The following ESRRG variants were observed in gnomAD, a reference collection of about 807,000 sequenced individuals.
The protein encoded by ESRRG is estrogen-related receptor gamma.
A neutral mutation model predicts 44.0 loss-of-function variants in ESRRG; 13 were observed. That is an observed-to-expected ratio of 0.30 (90% confidence interval 0.19 to 0.47). The LOEUF (loss-of-function observed/expected upper bound fraction) is 0.47. Among genes scored for constraint, ESRRG ranks in the 20% least tolerant of loss-of-function variants. The pLI, the probability that ESRRG is intolerant of heterozygous loss-of-function variation, is 1.00. For missense variants in ESRRG, 395 were observed against 580.6 expected, an observed-to-expected ratio of 0.68 and a Z score of 3.29; for synonymous variants, 215 against 214.6, an observed-to-expected ratio of 1.00 and a Z score of -0.02.
At chr1:216,555,188 T>C (rs1412969456) in intron 5 of ESRRG, among the ~76,000 whole-genome samples, 2 of 152,136 alleles carry the variant, frequency 1.3e-5, no homozygotes, top group African/African-American at 4.8e-5. Context: ...GCTGACATTC[T>C]TGGGGGAAAA....
intron 1 of ESRRG, among the ~76,000 whole-genome samples, chr1:216,693,374 CTCTTG>C (rs1160353753): frequency 6.6e-6 from 1 of 152,174 alleles, no homozygotes; most frequent in Non-Finnish European, 1.5e-5. Context: ...TCAAGCAATC[CTCTTG>C]TCTTGGCCTC....
At chr1:216,625,925 C>T (rs1290536804) in intron 3 of ESRRG, among the ~76,000 whole-genome samples, 2 of 152,134 alleles carry the variant, frequency 1.3e-5, no homozygotes, top group African/African-American at 4.8e-5. Context: ...ATCTTTGTCT[C>T]CGTATGCCTT....
chr1:216,575,027 G>T (rs1484618423), intron 3 of ESRRG, among the ~76,000 whole-genome samples: 2 of 152,036 alleles, frequency 1.3e-5, no homozygotes, highest in Non-Finnish European at 2.9e-5. Context: ...AGAGCGGCAG[G>T]AAAAGAAGCA....
intron 3 of ESRRG, among the ~76,000 whole-genome samples, chr1:216,576,006 A>T (rs2061621772): frequency 6.6e-6 from 1 of 152,032 alleles, no homozygotes; most frequent in Non-Finnish European, 1.5e-5. Context: ...AAAAGATTCC[A>T]TTCCTCTTTT....
intron 1 of ESRRG, among the ~76,000 whole-genome samples, chr1:217,135,535 CGGCGGCGGCGGTGTT>C (rs1206160157): frequency 6.6e-6 from 1 of 151,330 alleles, no homozygotes; most frequent in Non-Finnish European, 1.5e-5. Flanking sequence ...CGCGCGGCGG[CGGCGGCGGCGGTGTT>C]GGCGGCGGCG....
intron 1 of ESRRG, among the ~76,000 whole-genome samples, chr1:217,015,355 TTAA>T (rs2079186858): frequency 6.6e-6 from 1 of 152,220 alleles, no homozygotes; most frequent in African/African-American, 2.4e-5. Context: ...AAATTTCACC[TTAA>T]TAATGTTTCA....
intron 1 of ESRRG, chr1:216,707,238 T>C (rs962961593): frequency 3.6e-6 from 4 of 1,111,632 alleles, no homozygotes; most frequent in African/African-American, 3.2e-5. Context: ...AAAAGCATTT[T>C]TTTTTCTTTT....
chr1:217,131,964 CA>C (rs925351039), intron 1 of ESRRG, among the ~76,000 whole-genome samples: 2 of 152,126 alleles, frequency 1.3e-5, no homozygotes, highest in Non-Finnish European at 2.9e-5. Context: ...TTCCTCTAGA[CA>C]CTGACCTCTT....
chr1:216,916,276 G>A (rs2061153523), intron 2 of ESRRG, among the ~76,000 whole-genome samples: 1 of 152,158 alleles, frequency 6.6e-6, no homozygotes, highest in South Asian at 2.1e-4. Context: ...CCTGACCGCT[G>A]CATGCTGCCC....
At chr1:216,538,245 A>T (rs896817805) in intron 5 of ESRRG, among the ~76,000 whole-genome samples, 3 of 113,124 alleles carry the variant, frequency 2.7e-5, no homozygotes, top group African/African-American at 1.4e-4. Context: ...TGGTTTTTAA[A>T]AAATTAAAAA....
chr1:216,725,323 G>A (rs1028801469), upstream of ESRRG, among the ~76,000 whole-genome samples: 1 of 152,072 alleles, frequency 6.6e-6, no homozygotes, highest in African/African-American at 2.4e-5. Context: ...GTAGCATTAT[G>A]CTGTCTATAT....
In ESRRG at chr1:216,630,468, AC is replaced by A; in HGVS notation, c.589+20504del. On this transcript the variant is annotated intron_variant, in intron 3 of 6. Transcript: ENST00000408911. Reference sequence around the variant, plus strand: ...TGAACACACACACACACACACACACACACACACAATTAAATCTTATAGGAAA... The same window carrying A: ...TGAACACACACACACACACACACACAACACACAATTAAATCTTATAGGAAA... Among the ~76,000 whole-genome samples the A allele has an allele frequency of 1.4e-5, 2 of 139,078 alleles. 1 individual carries two copies. Among genetic ancestry groups the A allele is most frequent in the African/African-American group, 5.0e-5 (2 of 40,212 alleles). 91.2% of individuals were successfully genotyped at this position (139,078 alleles called of 152,430 possible).
chr1:216,584,357 T>C (rs756275322), intron 3 of ESRRG, among the ~76,000 whole-genome samples: 8 of 151,666 alleles, frequency 5.3e-5, no homozygotes, highest in Non-Finnish European at 1.0e-4. Context: ...GCCGGGTTCA[T>C]GCCATTCTCC....
At chr1:217,103,526 A>G (rs2092549523) in intron 1 of ESRRG, among the ~76,000 whole-genome samples, 1 of 151,418 alleles carries the variant, frequency 6.6e-6, no homozygotes, top group Non-Finnish European at 1.5e-5. Context: ...GCATGGTGGC[A>G]TGTGCTTGTG....
intron 2 of ESRRG, among the ~76,000 whole-genome samples, chr1:216,819,514 A>G (rs1283459304): frequency 6.6e-6 from 1 of 152,184 alleles, no homozygotes; most frequent in Non-Finnish European, 1.5e-5. Context: ...GTCCTTTGCC[A>G]TATAAGCATG....
chr1:216,605,431 T>C (rs2059801721), intron 3 of ESRRG, among the ~76,000 whole-genome samples: 1 of 152,144 alleles, frequency 6.6e-6, no homozygotes, highest in African/African-American at 2.4e-5. Context: ...ACACAACACA[T>C]TAGCCAGTAT....
intron 2 of ESRRG, among the ~76,000 whole-genome samples, chr1:216,903,028 C>T (rs1211108388): frequency 1.3e-5 from 2 of 152,122 alleles, no homozygotes; most frequent in African/African-American, 4.8e-5. Context: ...ACTTTCATAG[C>T]CCAATTTTAA....
intron 2 of ESRRG, among the ~76,000 whole-genome samples, chr1:216,932,564 G>C (rs2063511106): frequency 6.6e-6 from 1 of 151,842 alleles, no homozygotes; most frequent in Admixed American, 6.6e-5. Flanking sequence ...TATGTGTTTA[G>C]AGACAGGGTC....
chr1:216,996,721 T>C (rs1560412467), intron 1 of ESRRG, among the ~76,000 whole-genome samples: 1 of 152,110 alleles, frequency 6.6e-6, no homozygotes, highest in Non-Finnish European at 1.5e-5. Flanking sequence ...AACACTATTA[T>C]AGCAATATGA....
Sources: allele counts gnomAD v4.1 joint callset (sites outside exome capture counted in the v4.1 genomes callset), GRCh38; gene constraint gnomAD v4.1.1; transcripts MANE v1.5; gene names NCBI Gene and HGNC (gene_info 2026-07-23, HGNC 2026-07-21).